The following STAG2 variants were observed in gnomAD, a reference collection of about 807,000 sequenced individuals.
STAG2 encodes STAG2 cohesin complex component, also known as cohesin subunit SA-2.
A neutral mutation model predicts 108.1 loss-of-function variants in STAG2; 14 were observed. That is an observed-to-expected ratio of 0.13 (90% confidence interval 0.09 to 0.20). The LOEUF is 0.20. STAG2 is among the 10% of genes least tolerant of loss of function. The probability of loss-of-function intolerance (pLI) is 1.00; values close to 1 mark genes in which losing one functional copy is unlikely to be tolerated. For synonymous variants in STAG2, 307 were observed against 302.7 expected, an observed-to-expected ratio of 1.01 and a Z score of -0.15; for missense variants, 440 against 940.9, an observed-to-expected ratio of 0.47 and a Z score of 6.96.
chrX:124,006,962 AGAC>A (rs910218344), intron 1 of STAG2, among the ~76,000 whole-genome samples: 6 of 111,492 alleles, frequency 5.4e-5, no homozygotes, highest in African/African-American at 2.0e-4. Flanking sequence ...TTAGTGTAGC[AGAC>A]AACAGAAGTA....
At chrX:124,026,171 A>AATG (rs2057097565) in intron 4 of STAG2, among the ~76,000 whole-genome samples, 1 of 104,855 alleles carries the variant, frequency 9.5e-6, no homozygotes, top group Admixed American at 1.0e-4. Context: ...TAATAATAAT[A>AATG]CATTTCCAGT....
intron 1 of STAG2, among the ~76,000 whole-genome samples, chrX:123,966,157 A>G (rs2147475066): frequency 9.0e-6 from 1 of 111,049 alleles, no homozygotes; most frequent in Admixed American, 9.6e-5. Flanking sequence ...AACTTTAAAG[A>G]CATAGGCTAT....
At chrX:123,997,911 G>C (rs2055824191) in intron 1 of STAG2, among the ~76,000 whole-genome samples, 1 of 112,267 alleles carries the variant, frequency 8.9e-6, no homozygotes. Context: ...AAAGTGCTGG[G>C]ATCACAGGCG....
At position 124,100,425 on chromosome X, in the gene STAG2, A is replaced by G. The variant is rs760740989; in HGVS notation, c.3784-149A>G. ...ATATCATGGTCAATTTAATTTTAGAATTATACATCTGAAGAGAGGGGAAGT... is the reference window on the plus strand; with the variant it reads ...ATATCATGGTCAATTTAATTTTAGAGTTATACATCTGAAGAGAGGGGAAGT... On this transcript the variant is annotated intron_variant, in intron 34 of 34. Coordinates refer to ENST00000371145, the MANE Select transcript of STAG2 (RefSeq NM_001042750.2). The G allele has an allele frequency of 4.1e-4, 189 of 458,159 alleles. No individual in the cohort carries two copies. In the African/African-American group the frequency reaches 4.4e-3, roughly 11 times the overall value. The allele number at this position is 458,159 out of a possible 1,213,427, so 37.8% of individuals were successfully genotyped here. A position where few individuals can be genotyped will look rare whatever the true frequency, so the allele number is the denominator to read the frequency against.
rs750059758 is a variant in STAG2, at chrX:124,064,094, C to T, written c.2025+43C>T. On this transcript the variant is annotated intron_variant, in intron 20 of 34. Coordinates refer to ENST00000371145, the MANE Select transcript of STAG2 (RefSeq NM_001042750.2). ...TACAAGTATTTTGTCAGTTGAGCCC[C>T]TCTACTGCAGTAAGCTAATTAGTCA... 3 of 1,001,502 alleles carry T rather than the reference C, an allele frequency of 3.0e-6. No homozygotes were observed. In the Admixed American group the frequency reaches 7.5e-5, roughly 25 times the overall value. The allele number at this position is 1,001,502 out of a possible 1,213,427, so 82.5% of individuals were successfully genotyped here. A position where few individuals can be genotyped will look rare whatever the true frequency, so the allele number is the denominator to read the frequency against.
intron 16 of STAG2, 135 bp downstream of exon 16, chrX:124,061,476 T>C (rs2058374034): frequency 2.1e-6 from 1 of 477,787 alleles, no homozygotes; most frequent in Non-Finnish European, 3.5e-6. Context: ...TTTGTTTTCA[T>C]ATAAATATTA....
chrX:123,987,024 G>A (rs1482952761), intron 1 of STAG2, among the ~76,000 whole-genome samples: 3 of 108,793 alleles, frequency 2.8e-5, no homozygotes, highest in African/African-American at 1.0e-4. Flanking sequence ...ACGGAGTCTC[G>A]CTCTGTCACC....
chrX:124,045,361 C>T lies in STAG2; in HGVS notation c.660C>T (p.Thr220=), dbSNP rs1308121605. The part of the protein sequence containing the change: ...SQVRAFRHTS[T]LAAMKLMTAL... ...TCAGAGCATTTCGACATACAAGCAC[C>T]CTGGCAGGTCGGTATTTAGAAATAT... Residue 220 remains threonine, a synonymous_variant, in exon 8 of 35, where the codon ACC becomes ACT. Coordinates refer to ENST00000371145, the MANE Select transcript of STAG2 (RefSeq NM_001042750.2). The T allele has an allele frequency of 8.3e-7, 1 of 1,200,149 alleles. No homozygotes were observed. The highest frequency in any genetic ancestry group is 1.1e-6 in the Non-Finnish European group (1 of 889,047).
At chrX:124,052,814 TC>T (rs2058082523) in intron 13 of STAG2, among the ~76,000 whole-genome samples, 1 of 109,628 alleles carries the variant, frequency 9.1e-6, no homozygotes, top group Admixed American at 9.8e-5. Context: ...ATTTCCAATT[TC>T]TTTTTTTTTT....
chrX:124,082,069 A>G (rs765864030), intron 28 of STAG2, among the ~76,000 whole-genome samples: 10 of 112,536 alleles, frequency 8.9e-5, no homozygotes, highest in East Asian at 5.6e-4. Context: ...TACAAAGTCT[A>G]TAAATTATGT....
intron 14 of STAG2, among the ~76,000 whole-genome samples, chrX:124,056,896 C>CTT (rs11325586): frequency 1.1e-5 from 1 of 94,149 alleles, no homozygotes; most frequent in African/African-American, 3.8e-5. Context: ...TATAATTAGG[C>CTT]TTTTTTTTTT....
intron 5 of STAG2, among the ~76,000 whole-genome samples, chrX:124,032,087 G>A: frequency 8.9e-6 from 1 of 111,831 alleles, no homozygotes; most frequent in Middle Eastern, 4.6e-3. Context: ...TCAAAAATAT[G>A]CTGATGTAAA....
intron 34 of STAG2, among the ~76,000 whole-genome samples, chrX:124,096,612 A>T (rs1480154302): frequency 8.9e-6 from 1 of 111,759 alleles, no homozygotes; most frequent in Non-Finnish European, 1.9e-5. Context: ...GATGTTATTC[A>T]TTCTTAGTTC....
chrX:124,050,096 G>C, intron 10 of STAG2, 90 bp from the exon 11 acceptor site: 2 of 996,192 alleles, frequency 2.0e-6, no homozygotes, highest in Non-Finnish European at 2.7e-6. Context: ...ATTCATAGTA[G>C]ATCTGAAGTA....
chrX:124,077,716 C>A (rs1350164941), intron 26 of STAG2, among the ~76,000 whole-genome samples: 2 of 111,533 alleles, frequency 1.8e-5, no homozygotes, highest in Admixed American at 1.9e-4. Context: ...TTTATTTTAA[C>A]CAAGTCTGGA....
intron 30 of STAG2, among the ~76,000 whole-genome samples, chrX:124,090,316 C>T (rs1028026959): frequency 9.1e-6 from 1 of 109,782 alleles, no homozygotes; most frequent in Non-Finnish European, 1.9e-5. Flanking sequence ...TGGCTCTGAC[C>T]CCTTTCACTG....
intron 1 of STAG2, among the ~76,000 whole-genome samples, chrX:123,975,650 A>T: frequency 9.0e-6 from 1 of 111,123 alleles, no homozygotes; most frequent in Non-Finnish European, 1.9e-5. Flanking sequence ...TTTAGTAGAG[A>T]TGGGGGTTTC....
intron 6 of STAG2, among the ~76,000 whole-genome samples, chrX:124,038,647 A>G (rs898077608): frequency 5.4e-5 from 6 of 111,589 alleles, no homozygotes; most frequent in African/African-American, 2.0e-4. Flanking sequence ...TCAGTGTAGT[A>G]TGTGTATTAA....
In STAG2 at chrX:124,011,511, A is replaced by G. The variant is rs12389085; in HGVS notation, c.-162-9856A>G. Among the ~76,000 whole-genome samples, 675 of 111,797 alleles carry G rather than the reference A, an allele frequency of 6.0e-3. 5 individuals carry two copies. The highest frequency in any genetic ancestry group is 0.02 in the African/African-American group (626 of 30,788). On this transcript the variant is annotated intron_variant, in intron 1 of 34. Coordinates refer to ENST00000371145, the MANE Select transcript of STAG2 (RefSeq NM_001042750.2). ...TTTACCCTTGAGTATAATATTAGCT[A>G]TGAGTTTTTGACTTTTACTATGTAG...
Sources: allele counts gnomAD v4.1 joint callset (sites outside exome capture counted in the v4.1 genomes callset), GRCh38; gene constraint gnomAD v4.1.1; transcripts MANE v1.5; gene names NCBI Gene and HGNC (gene_info 2026-07-23, HGNC 2026-07-21).